The following PTPRD variants were observed in gnomAD, a reference collection of about 807,000 sequenced individuals.
PTPRD encodes protein tyrosine phosphatase receptor type D.
Under a neutral mutation model 214.5 loss-of-function variants are expected in PTPRD, and 34 were observed. The ratio of observed to expected loss-of-function variants is 0.16; its 90% CI spans 0.12 to 0.21. The LOEUF is 0.21. Among genes scored for constraint, PTPRD ranks in the 10% least tolerant of loss-of-function variants. The pLI, the probability that PTPRD is intolerant of heterozygous loss-of-function variation, is 1.00. For synonymous variants in PTPRD, 1,128 were observed against 845.7 expected (o/e 1.33, Z -5.79); for missense variants, 2,545 against 2,398.7 (o/e 1.06, Z -1.27).
intron 8 of PTPRD, among the ~76,000 whole-genome samples, chr9:9,425,316 C>T (rs1269099402): frequency 6.6e-6 from 1 of 150,620 alleles, no homozygotes; most frequent in African/African-American, 2.4e-5. Flanking sequence ...ACCTAACAAA[C>T]TTTGATGATG....
chr9:10,228,485 A>G (rs1222640265), intron 3 of PTPRD, among the ~76,000 whole-genome samples: 1 of 151,934 alleles, frequency 6.6e-6, no homozygotes, highest in Non-Finnish European at 1.5e-5. Flanking sequence ...AAGAACTATA[A>G]TTAGCTCTAA....
chr9:10,089,941 A>T (rs2098408613), intron 3 of PTPRD, among the ~76,000 whole-genome samples: 1 of 151,620 alleles, frequency 6.6e-6, no homozygotes, highest in South Asian at 2.1e-4. Context: ...TTTAGAATTT[A>T]AGGTGATTAA....
At chr9:10,108,739 G>GA (rs921623349) in intron 3 of PTPRD, among the ~76,000 whole-genome samples, 12 of 151,912 alleles carry the variant, frequency 7.9e-5, no homozygotes, top group African/African-American at 2.2e-4. Flanking sequence ...TGAATGAATG[G>GA]AAAAAAATGT....
At position 9,629,238 on chromosome 9, in the gene PTPRD, G is replaced by GTATATATA. The variant is rs113482595; in HGVS notation, c.-286-54465_-286-54458dup. Among the ~76,000 whole-genome samples the GTATATATA allele has an allele frequency of 9.0e-3, 1,261 of 140,390 alleles. 26 individuals are homozygous for GTATATATA. The highest frequency in any genetic ancestry group is 0.033 in the African/African-American group (1,185 of 35,552). 92.1% of individuals were successfully genotyped at this position (140,390 alleles called of 152,430 possible). ...TGGGGAGATATATATGTGTGTGTGTGTATATATATATATATATATGAACAC... is the reference window on the plus strand; with the variant it reads ...TGGGGAGATATATATGTGTGTGTGTGTATATATATATATATATATATATATATGAACAC... On this transcript the variant is annotated intron_variant, in intron 7 of 45. Coordinates refer to ENST00000381196, the MANE Select transcript of PTPRD (RefSeq NM_002839.4).
intron 44 of PTPRD, among the ~76,000 whole-genome samples, chr9:8,326,955 C>CTATT (rs1433785771): frequency 8.2e-5 from 12 of 146,640 alleles, no homozygotes; most frequent in African/African-American, 2.7e-4. Context: ...TCTTTTCTAT[C>CTATT]TATTTTGTTG....
intron 2 of PTPRD, among the ~76,000 whole-genome samples, chr9:10,486,549 T>C (rs1262567470): frequency 6.6e-6 from 1 of 152,188 alleles, no homozygotes; most frequent in Non-Finnish European, 1.5e-5. Context: ...TATGTCTTCT[T>C]AGTTTCTTTA....
intron 36 of PTPRD, among the ~76,000 whole-genome samples, chr9:8,394,569 G>C (rs1457476589): frequency 6.6e-6 from 1 of 152,118 alleles, no homozygotes; most frequent in Non-Finnish European, 1.5e-5. Flanking sequence ...AACTTGCCCA[G>C]AACTGTAATT....
chr9:10,396,840 G>T (rs2154493886), intron 2 of PTPRD, among the ~76,000 whole-genome samples: 1 of 152,062 alleles, frequency 6.6e-6, no homozygotes, highest in East Asian at 1.9e-4. Flanking sequence ...GGCCCAGTGG[G>T]GAGGCAGGCA....
intron 3 of PTPRD, among the ~76,000 whole-genome samples, chr9:10,108,006 T>C (rs1382820739): frequency 1.3e-5 from 2 of 152,064 alleles, no homozygotes; most frequent in East Asian, 1.9e-4. Flanking sequence ...AATGGCAGCA[T>C]TGTACTTTTT....
intron 5 of PTPRD, among the ~76,000 whole-genome samples, chr9:9,933,628 G>A (rs2153940297): frequency 6.7e-6 from 1 of 150,196 alleles, no homozygotes; most frequent in Non-Finnish European, 1.5e-5. Context: ...CATTAATAAT[G>A]GGAGACTTTA....
chr9:10,368,183 G>T (rs915593641), intron 2 of PTPRD, among the ~76,000 whole-genome samples: 1 of 151,966 alleles, frequency 6.6e-6, no homozygotes, highest in African/African-American at 2.4e-5. Flanking sequence ...AAAATGATGA[G>T]TTTTCCTCTT....
At chr9:8,543,247 T>C (rs2078960478) in intron 14 of PTPRD, among the ~76,000 whole-genome samples, 1 of 152,208 alleles carries the variant, frequency 6.6e-6, no homozygotes, top group Non-Finnish European at 1.5e-5. Flanking sequence ...GACACATTGT[T>C]ATAAATTTGG....
In PTPRD at chr9:9,479,337, G is replaced by A. The variant is rs576677121; in HGVS notation, c.-236-81855C>T. Among the ~76,000 whole-genome samples, 7 of 104,180 alleles carry A rather than the reference G, an allele frequency of 6.7e-5. No individual in the cohort carries two copies. In the Admixed American group the frequency reaches 8.0e-4, roughly 12 times the overall value. The allele number at this position is 104,180 out of a possible 152,430, so 68.3% of individuals were successfully genotyped here. A position where few individuals can be genotyped will look rare whatever the true frequency, so the allele number is the denominator to read the frequency against. ...ACATCTCATGCCTTCGAGAAAATGT[G>A]AAAACTGATGCACACACACACACAC... On this transcript the variant is annotated intron_variant, in intron 8 of 45. Coordinates refer to ENST00000381196, the MANE Select transcript of PTPRD (RefSeq NM_002839.4).
chr9:9,909,320 T>G (rs997553215), intron 5 of PTPRD, among the ~76,000 whole-genome samples: 1 of 151,248 alleles, frequency 6.6e-6, no homozygotes, highest in Non-Finnish European at 1.5e-5. Context: ...TCTGAAAGTT[T>G]TTTTTTTTTT....
intron 10 of PTPRD, among the ~76,000 whole-genome samples, chr9:9,063,394 C>T (rs2099711279): frequency 6.6e-6 from 1 of 152,002 alleles, no homozygotes; most frequent in South Asian, 2.1e-4. Flanking sequence ...AAATGCCTAC[C>T]CTCATCAACT....
At chr9:9,472,802 T>G (rs1298078316) in intron 8 of PTPRD, among the ~76,000 whole-genome samples, 1 of 152,148 alleles carries the variant, frequency 6.6e-6, no homozygotes, top group Non-Finnish European at 1.5e-5. Flanking sequence ...ATAAAACATT[T>G]CAACTCATCT....
intron 2 of PTPRD, among the ~76,000 whole-genome samples, chr9:10,440,631 T>C (rs1179828767): frequency 6.6e-6 from 1 of 151,762 alleles, no homozygotes; most frequent in East Asian, 1.9e-4. Flanking sequence ...AACGTGTTAA[T>C]GGTAAATGCA....
At chr9:10,034,602 T>C (rs1286822325) in intron 3 of PTPRD, among the ~76,000 whole-genome samples, 1 of 151,970 alleles carries the variant, frequency 6.6e-6, no homozygotes, top group Non-Finnish European at 1.5e-5. Flanking sequence ...TAGGCCCCAG[T>C]GTATGTTATT....
intron 3 of PTPRD, among the ~76,000 whole-genome samples, chr9:10,073,283 T>C (rs7022176): frequency 2.0e-5 from 3 of 151,924 alleles, no homozygotes; most frequent in Non-Finnish European, 4.4e-5. Flanking sequence ...CAGGAAACAA[T>C]CTCATTAAAG....
Sources: allele counts gnomAD v4.1 joint callset (sites outside exome capture counted in the v4.1 genomes callset), GRCh38; gene constraint gnomAD v4.1.1; transcripts MANE v1.5; gene names NCBI Gene and HGNC (gene_info 2026-07-23, HGNC 2026-07-21).